MYO18B: variants seen among roughly 807,000 people sequenced by gnomAD.
MYO18B encodes unconventional myosin-XVIIIb.
Under a neutral mutation model 273.0 loss-of-function variants are expected in MYO18B, and 204 were observed. That is an observed-to-expected ratio of 0.75 (90% confidence interval 0.67 to 0.84). The LOEUF (loss-of-function observed/expected upper bound fraction) is 0.84, where lower values mean the gene tolerates loss of function less well. Among genes scored for constraint, MYO18B ranks in the 40% least tolerant of loss-of-function variants. The pLI, the probability that MYO18B is intolerant of heterozygous loss-of-function variation, is 0.00. For synonymous variants in MYO18B, 1,330 were observed against 1,305.7 expected (o/e 1.02, Z -0.40); for missense variants, 3,212 against 3,287.6 (o/e 0.98, Z 0.56).
intron 11 of MYO18B, among the ~76,000 whole-genome samples, chr22:25,792,644 G>A (rs1039902059): frequency 2.6e-5 from 4 of 151,884 alleles, no homozygotes; most frequent in Admixed American, 6.5e-5. Context: ...ATAGGTGCGC[G>A]CCACCATGCC....
At chr22:25,928,713 A>T (rs2092456305) in intron 34 of MYO18B, among the ~76,000 whole-genome samples, 1 of 152,146 alleles carries the variant, frequency 6.6e-6, no homozygotes, top group African/African-American at 2.4e-5. Context: ...CCTGCCAATG[A>T]CACTTACCTT....
intron 12 of MYO18B, among the ~76,000 whole-genome samples, chr22:25,811,175 G>A (rs551833698): frequency 6.0e-5 from 9 of 149,436 alleles, no homozygotes; most frequent in African/African-American, 1.2e-4. Flanking sequence ...CACTGTGCCC[G>A]GCTATTTTTT....
chr22:26,012,171 A>G (rs1223325452), intron 42 of MYO18B, among the ~76,000 whole-genome samples: 1 of 152,252 alleles, frequency 6.6e-6, no homozygotes, highest in Non-Finnish European at 1.5e-5. Context: ...ACAGACAGGA[A>G]GCCAAAGATG....
downstream of MYO18B, among the ~76,000 whole-genome samples, chr22:26,033,804 CCTTTCTTTTTCT>C (rs1249578265): frequency 7.0e-4 from 101 of 144,590 alleles, 1 homozygote; most frequent in African/African-American, 2.6e-3. Context: ...CTCCTTCCTT[CCTTTCTTTTTCT>C]CTTCCTCCCT....
At position 25,933,547 on chromosome 22, in the gene MYO18B, C is replaced by G. The variant is rs16981074; in HGVS notation, c.5517+12138C>G. Reference sequence around the variant, plus strand: ...GCCTTGTATCTTGCCTTTTTTCCCTCTATTTATGCATGTGAGCTATATTGA... The same window carrying G: ...GCCTTGTATCTTGCCTTTTTTCCCTGTATTTATGCATGTGAGCTATATTGA... On this transcript the variant is annotated intron_variant, in intron 34 of 43. Transcript: ENST00000335473. Among the ~76,000 whole-genome samples, 461 of 152,228 alleles carry G rather than the reference C, an allele frequency of 3.0e-3. 2 individuals are homozygous for G. Among genetic ancestry groups the G allele is most frequent in the African/African-American group, 0.011 (445 of 41,544 alleles).
intron 34 of MYO18B, 139 bp downstream of exon 34, chr22:25,921,548 A>G (rs780024806): frequency 5.5e-6 from 6 of 1,082,514 alleles, no homozygotes; most frequent in Non-Finnish European, 7.9e-6. Context: ...GATGGGGGGC[A>G]TTTCAGGGCT....
At chr22:26,054,277 G>A in the MYO18B span, among the ~76,000 whole-genome samples, 1 of 152,252 alleles carries the variant, frequency 6.6e-6, no homozygotes, top group South Asian at 2.1e-4. Flanking sequence ...CTTGCCCTGT[G>A]GAAAGGGGCT....
chr22:25,895,347 G>A, intron 28 of MYO18B, 67 bp downstream of exon 28: 1 of 1,526,100 alleles, frequency 6.6e-7, no homozygotes, highest in South Asian at 1.2e-5. Context: ...CCTCCACTGT[G>A]GGTGATCGAG....
intron 39 of MYO18B, among the ~76,000 whole-genome samples, chr22:25,969,572 A>G (rs1323131659): frequency 6.6e-6 from 1 of 152,232 alleles, no homozygotes; most frequent in Non-Finnish European, 1.5e-5. Context: ...TTGGCCTACA[A>G]AGTCCAAGAT....
intron 3 of MYO18B, among the ~76,000 whole-genome samples, chr22:25,765,707 G>T (rs2086480104): frequency 6.6e-6 from 1 of 152,098 alleles, no homozygotes; most frequent in Non-Finnish European, 1.5e-5. Flanking sequence ...TGGCAGGGTG[G>T]GGGGACCAAA....
At chr22:26,062,313 A>G in the MYO18B span, among the ~76,000 whole-genome samples, 30 of 152,326 alleles carry the variant, frequency 2.0e-4, no homozygotes, top group African/African-American at 7.2e-4. Context: ...TGGGACAACC[A>G]GAGTCCTTAG....
intron 25 of MYO18B, among the ~76,000 whole-genome samples, chr22:25,887,609 C>A (rs116868806): frequency 1.3e-5 from 2 of 152,214 alleles, no homozygotes; most frequent in Admixed American, 1.3e-4. Context: ...CAGACTCCCC[C>A]CTTCATTAAA....
chr22:25,802,736 G>C (rs368825632), intron 12 of MYO18B, among the ~76,000 whole-genome samples: 1 of 126,778 alleles, frequency 7.9e-6, no homozygotes, highest in Non-Finnish European at 1.6e-5. Flanking sequence ...CTGGGCGACA[G>C]AGCAAGACTC....
chr22:25,827,730 T>A (rs2089547548), intron 14 of MYO18B, among the ~76,000 whole-genome samples: 1 of 152,176 alleles, frequency 6.6e-6, no homozygotes, highest in Admixed American at 6.5e-5. Flanking sequence ...AAGGGGATCA[T>A]GCGTGCTTAG....
chr22:25,787,298 A>G (rs1433316203), intron 11 of MYO18B, among the ~76,000 whole-genome samples: 1 of 128,826 alleles, frequency 7.8e-6, no homozygotes, highest in Non-Finnish European at 1.7e-5. Context: ...ACACACACAC[A>G]CACACACACA....
chr22:25,760,872 C>T lies in MYO18B; in HGVS notation c.-109-112C>T, dbSNP rs766205570. 23 of 600,334 alleles carry T rather than the reference C, an allele frequency of 3.8e-5. No homozygotes were observed. In the Middle Eastern group the frequency reaches 1.1e-3, roughly 28 times the overall value. The allele number at this position is 600,334 out of a possible 1,614,324, so 37.2% of individuals were successfully genotyped here. ...CTGACAGTGTCTGTACCTGACTGTG[C>T]CCATTCCCCCATGTGGTCTTGGTTT... On this transcript the variant is annotated intron_variant, in intron 1 of 43. Transcript: ENST00000335473.
intron 39 of MYO18B, among the ~76,000 whole-genome samples, chr22:25,976,371 A>G (rs1173355058): frequency 6.6e-6 from 1 of 152,212 alleles, no homozygotes; most frequent in African/African-American, 2.4e-5. Flanking sequence ...ATTCCACTAA[A>G]AAATGGCCAT....
At chr22:25,930,211 A>C (rs1444728241) in intron 34 of MYO18B, among the ~76,000 whole-genome samples, 1 of 152,042 alleles carries the variant, frequency 6.6e-6, no homozygotes, top group East Asian at 1.9e-4. Context: ...GGGCTGGGTG[A>C]GGGTGCCGCC....
intron 21 of MYO18B, among the ~76,000 whole-genome samples, chr22:25,855,539 C>T (rs2146073208): frequency 6.6e-6 from 1 of 152,306 alleles, no homozygotes; most frequent in Middle Eastern, 3.4e-3. Flanking sequence ...CTCGGCCTCC[C>T]AAAGTGCTGG....
Sources: gnomAD v4.1 joint callset for allele counts (sites outside exome capture counted in the v4.1 genomes callset) on GRCh38, gnomAD v4.1.1 for gene constraint, MANE v1.5 for transcripts, NCBI Gene and HGNC (gene_info 2026-07-23, HGNC 2026-07-21) for gene names.